DYSF: variants seen among roughly 807,000 people sequenced by gnomAD.
DYSF encodes dysferlin, also known as dystrophy-associated fer-1-like 1.
Under a neutral mutation model 274.9 loss-of-function variants are expected in DYSF, and 212 were observed. The observed-to-expected ratio is 0.77, with a 90% CI of 0.69 to 0.86. The LOEUF (loss-of-function observed/expected upper bound fraction) is 0.86. DYSF is among the 40% of genes least tolerant of loss of function. DYSF has a pLI of 0.00. For synonymous variants in DYSF, 1,091 were observed against 1,078.7 expected, an observed-to-expected ratio of 1.01 and a Z score of -0.22; for missense variants, 2,666 against 2,783.2, an observed-to-expected ratio of 0.96 and a Z score of 0.95.
intron 3 of DYSF, among the ~76,000 whole-genome samples, chr2:71,483,315 G>A (rs1259620969): frequency 6.6e-6 from 1 of 152,228 alleles, no homozygotes; most frequent in African/African-American, 2.4e-5. Context: ...CGCAGACACT[G>A]TGGAAGGCAA....
At chr2:71,656,061 A>T in intron 42 of DYSF, 101 bp from the exon 43 acceptor site, 1 of 1,424,720 alleles carries the variant, frequency 7.0e-7, no homozygotes, top group Non-Finnish European at 9.9e-7. Context: ...ATTCACTCTC[A>T]CACTGTCATG....
At chr2:71,453,864 G>T in exon 1 of DYSF, 1 of 885,388 alleles carries the variant, frequency 1.1e-6, no homozygotes, top group Admixed American at 2.0e-5. Flanking sequence ...CTCTAAGCCA[G>T]GAGCCAGAGA....
chr2:71,620,677 G>A (rs1290362131), intron 41 of DYSF, 68 bp downstream of exon 41: 84 of 1,356,944 alleles, frequency 6.2e-5, no homozygotes, highest in Non-Finnish European at 8.5e-5. Flanking sequence ...GGGGGGTTAG[G>A]AGGGAAATGG....
chr2:71,543,707 C>T (rs541098635), intron 17 of DYSF, among the ~76,000 whole-genome samples: 2 of 152,242 alleles, frequency 1.3e-5, no homozygotes, highest in Non-Finnish European at 2.9e-5. Flanking sequence ...CAAAAAAATA[C>T]GAAAACCAGT....
rs2093213699 is a variant in DYSF at position 71,590,085 on chromosome 2, G to C, written c.3497-126G>C. On this transcript the variant is annotated intron_variant, in intron 31 of 55. Coordinates refer to ENST00000410020, the MANE Select transcript of DYSF (RefSeq NM_001130987.2). ...CCTGACCTCGCACAGTGGCCTGTGT[G>C]GTTTCCCTCATTCAGCCCCTCTGTC... 40 of 897,288 alleles carry C rather than the reference G, an allele frequency of 4.5e-5. No individual in the cohort carries two copies. In the East Asian group the frequency reaches 1.0e-3, roughly 22 times the overall value. 55.6% of individuals were successfully genotyped at this position (897,288 alleles called of 1,614,324 possible). A position where few individuals can be genotyped will look rare whatever the true frequency, so the allele number is the denominator to read the frequency against.
At chr2:71,619,973 T>C (rs1439522734) in intron 40 of DYSF, among the ~76,000 whole-genome samples, 3 of 152,160 alleles carry the variant, frequency 2.0e-5, no homozygotes, top group Admixed American at 2.0e-4. Flanking sequence ...AAGTGATTTG[T>C]AGCATGGAGT....
At chr2:71,485,176 G>C (rs982468108) in intron 3 of DYSF, among the ~76,000 whole-genome samples, 1 of 152,204 alleles carries the variant, frequency 6.6e-6, no homozygotes, top group African/African-American at 2.4e-5. Flanking sequence ...AATTAAACTA[G>C]ATTGAAATGT....
At chr2:71,684,244 C>T (rs2095329383) in intron 55 of DYSF, among the ~76,000 whole-genome samples, 2 of 152,204 alleles carry the variant, frequency 1.3e-5, no homozygotes, top group South Asian at 4.1e-4. Context: ...AGCTGAGATA[C>T]AGGACTGTGG....
chr2:71,580,954 C>G (rs528308488), intron 30 of DYSF, among the ~76,000 whole-genome samples: 1 of 152,334 alleles, frequency 6.6e-6, no homozygotes, highest in African/African-American at 2.4e-5. Flanking sequence ...TGTTGAGTAT[C>G]ACCCATGTGG....
intron 16 of DYSF, among the ~76,000 whole-genome samples, chr2:71,537,327 C>G (rs1384460796): frequency 6.3e-5 from 9 of 142,152 alleles, no homozygotes; most frequent in Non-Finnish European, 1.1e-4. Flanking sequence ...GCTCATGCAA[C>G]CTCTGCCTCC....
At chr2:71,477,015 A>G (rs1236179758) in intron 1 of DYSF, among the ~76,000 whole-genome samples, 3 of 152,128 alleles carry the variant, frequency 2.0e-5, no homozygotes, top group African/African-American at 7.2e-5. Flanking sequence ...CAGAAATTGG[A>G]GTTTTAGAAA....
At chr2:71,519,964 C>T (rs2087078206) in intron 10 of DYSF, among the ~76,000 whole-genome samples, 1 of 151,770 alleles carries the variant, frequency 6.6e-6, no homozygotes, top group South Asian at 2.1e-4. Flanking sequence ...CGCCCAGCCT[C>T]CTTTCCTCTT....
chr2:71,667,519 G>A lies in DYSF; in HGVS notation c.5457+4G>A. On this transcript the variant is annotated splice_donor_region_variant and intron_variant, in intron 48 of 55. Coordinates refer to ENST00000410020, the MANE Select transcript of DYSF (RefSeq NM_001130987.2). ...CCTGCAGCCAGACATCGAGCAGGTAGGACCTTGACCCTTGGGTCCCAGAGT... is the reference window on the plus strand; with the variant it reads ...CCTGCAGCCAGACATCGAGCAGGTAAGACCTTGACCCTTGGGTCCCAGAGT... 2 of 1,614,056 alleles carry A rather than the reference G, an allele frequency of 1.2e-6. No individual in the cohort carries two copies. The highest frequency in any genetic ancestry group is 2.2e-5 in the East Asian group (1 of 44,874).
At chr2:71,482,582 C>T (rs1013989657) in intron 3 of DYSF, among the ~76,000 whole-genome samples, 4 of 151,976 alleles carry the variant, frequency 2.6e-5, no homozygotes, top group African/African-American at 9.7e-5. Flanking sequence ...AAGCAGGCTC[C>T]CCCTAGGCAG....
intron 1 of DYSF, among the ~76,000 whole-genome samples, chr2:71,455,336 A>G (rs1365834887): frequency 2.6e-5 from 4 of 152,162 alleles, no homozygotes; most frequent in African/African-American, 9.7e-5. Flanking sequence ...CTTGAGGAGG[A>G]GTTGCTGAAT....
At chr2:71,672,934 C>T (rs576853097) in intron 51 of DYSF, among the ~76,000 whole-genome samples, 163 of 152,320 alleles carry the variant, frequency 1.1e-3, no homozygotes, top group African/African-American at 1.9e-3. Context: ...GTGCTTTGCA[C>T]GGGGACTAGT....
chr2:71,516,913 A>G (rs1425145093), intron 9 of DYSF, 76 bp from the exon 10 acceptor site: 2 of 1,309,042 alleles, frequency 1.5e-6, no homozygotes, highest in South Asian at 1.2e-5. Context: ...ATTGTTTGGG[A>G]GGGAAGAGCT....
At chr2:71,680,404 C>A (rs1168882604) in intron 53 of DYSF, among the ~76,000 whole-genome samples, 1 of 152,160 alleles carries the variant, frequency 6.6e-6, no homozygotes, top group East Asian at 1.9e-4. Context: ...AATTTGATAA[C>A]ATATAGTAAC....
intron 33 of DYSF, among the ~76,000 whole-genome samples, chr2:71,600,008 A>G (rs1306109375): frequency 6.6e-6 from 1 of 151,418 alleles, no homozygotes; most frequent in Non-Finnish European, 1.5e-5. Context: ...CCTTCGGAGC[A>G]GGAGGGAGGC....
Sources: gnomAD v4.1 joint callset for allele counts (sites outside exome capture counted in the v4.1 genomes callset) on GRCh38, gnomAD v4.1.1 for gene constraint, MANE v1.5 for transcripts, NCBI Gene and HGNC (gene_info 2026-07-23, HGNC 2026-07-21) for gene names.